CSAD: variants seen among roughly 807,000 people sequenced by gnomAD.
CSAD encodes the protein P-selectin cytoplasmic tail-associated protein.
Under a neutral mutation model 61.5 loss-of-function variants are expected in CSAD, and 47 were observed. The ratio of observed to expected loss-of-function variants is 0.76; its 90% confidence interval spans 0.60 to 0.97. The LOEUF is 0.97. CSAD is among the 50% of genes least tolerant of loss of function. The pLI, the probability that CSAD is intolerant of heterozygous loss-of-function variation, is 0.00. For synonymous variants in CSAD, 245 were observed against 252.7 expected (o/e 0.97, Z 0.29); for missense variants, 611 against 643.6 (o/e 0.95, Z 0.55).
At chr12:53,178,374 C>T in intron 2 of CSAD, 1 of 456,078 alleles carries the variant, frequency 2.2e-6, no homozygotes, top group Non-Finnish European at 4.4e-6. Flanking sequence ...CATCTGTAGT[C>T]CCAACTACTT....
chr12:53,158,292 T>C lies in CSAD; in HGVS notation c.*219A>G. ...CTGGGTTTACAGGCACAGGCCACCA[T>C]GCTCGGCTAATTTTTGTATTTTTAG... On this transcript the variant is annotated 3_prime_UTR_variant, in exon 17 of 17. Transcript: ENST00000444623. 2.6e-6 allele frequency: 1 copy of C among 383,220 alleles called. No individual in the cohort carries two copies. The highest frequency in any genetic ancestry group is 4.8e-6 in the Non-Finnish European group (1 of 208,778). The allele number at this position is 383,220 out of a possible 1,614,324, so 23.7% of individuals were successfully genotyped here. A position where few individuals can be genotyped will look rare whatever the true frequency, so the allele number is the denominator to read the frequency against.
intron 9 of CSAD, 112 bp downstream of exon 9, chr12:53,170,311 C>T (rs971097751): frequency 8.6e-6 from 9 of 1,043,654 alleles, no homozygotes; most frequent in Middle Eastern, 2.0e-4. Flanking sequence ...TACTGAATAG[C>T]GAGGGGAGAG....
chr12:53,171,209 G>C (rs762005136), intron 8 of CSAD, 117 bp downstream of exon 8: 1 of 1,490,884 alleles, frequency 6.7e-7, no homozygotes, highest in African/African-American at 1.4e-5. Context: ...ATCCGCCTGG[G>C]GGCAGGCTGG....
chr12:53,163,559 A>C (rs962849071), intron 10 of CSAD, among the ~76,000 whole-genome samples: 7 of 152,214 alleles, frequency 4.6e-5, no homozygotes, highest in Non-Finnish European at 7.3e-5. Context: ...TTAAGAAAAC[A>C]ATTTCATTTA....
In CSAD at chr12:53,160,103, C is replaced by G. The variant is rs1209277623; in HGVS notation, c.1166+17G>C. The G allele has an allele frequency of 1.9e-6, 3 of 1,611,944 alleles. No homozygotes were observed. The highest frequency in any genetic ancestry group is 2.5e-6 in the Non-Finnish European group (3 of 1,179,810). ...GGAGAGGGGAACAGGGACGACCCCC[C>G]ACCTCCTCCCGCCTACCGGGCAAGG... On this transcript the variant is annotated intron_variant, in intron 14 of 16. Coordinates refer to ENST00000444623, the MANE Select transcript of CSAD (RefSeq NM_001244705.2).
chr12:53,169,834 G>A (rs1273292917), intron 10 of CSAD, among the ~76,000 whole-genome samples: 1 of 152,036 alleles, frequency 6.6e-6, no homozygotes, highest in Non-Finnish European at 1.5e-5. Context: ...GGTGCTGCCT[G>A]GGACTCGCTC....
intron 1 of CSAD, chr12:53,179,824 G>A: frequency 6.2e-7 from 1 of 1,613,568 alleles, no homozygotes; most frequent in Non-Finnish European, 8.5e-7. Flanking sequence ...TCCATCAAGC[G>A]CATTTGCAGT....
Position 53,159,621 on chromosome 12 carries a change from A to C in CSAD, c.1308+2T>G. ...GTAAAGAGAGCAGCACAGCACGCCT[A>C]CCTTTGACAGCCTTTCGTGGTAATC... On this transcript the variant is annotated splice_donor_variant, in intron 16 of 16. Transcript: ENST00000444623. LOFTEE classifies it high-confidence loss of function. The C allele has an allele frequency of 6.2e-7, 1 of 1,609,072 alleles. No homozygotes were observed. Among genetic ancestry groups the C allele is most frequent in the Non-Finnish European group, 8.5e-7 (1 of 1,177,668 alleles).
At chr12:53,170,195 A>G (rs770131666) in intron 9 of CSAD, 69 bp from the exon 10 acceptor site, 11 of 1,394,642 alleles carry the variant, frequency 7.9e-6, no homozygotes, top group African/African-American at 1.4e-5. Context: ...AGGTGGGGTT[A>G]GCAATGCAGA....
At position 53,171,878 on chromosome 12, in the gene CSAD, A is replaced by G; in HGVS notation, c.451+4T>C. On this transcript the variant is annotated splice_donor_region_variant and intron_variant, in intron 7 of 16. Coordinates refer to ENST00000444623, the MANE Select transcript of CSAD (RefSeq NM_001244705.2). ...AAAGAAAGGTCCTCCTCCTTCTCACAAACCAGGGCAGAAGATTCCGTCCCC... is the reference window on the plus strand; with the variant it reads ...AAAGAAAGGTCCTCCTCCTTCTCACGAACCAGGGCAGAAGATTCCGTCCCC... 1.2e-6 allele frequency: 2 copies of G among 1,604,744 alleles called. No homozygotes were observed. Among genetic ancestry groups the G allele is most frequent in the Non-Finnish European group, 1.7e-6 (2 of 1,171,902 alleles).
upstream of CSAD, chr12:53,181,091 C>A (rs1941598480): frequency 2.2e-6 from 2 of 903,558 alleles, no homozygotes; most frequent in Admixed American, 1.2e-4. Context: ...GCATCTCGCG[C>A]GCTTCTCGGC....
intron 1 of CSAD, chr12:53,179,565 T>C (rs1941393844): frequency 3.9e-6 from 2 of 519,030 alleles, no homozygotes; most frequent in South Asian, 5.6e-5. Flanking sequence ...TCTTTATCTC[T>C]CTCTTTCTCC....
In CSAD at chr12:53,172,583, G is replaced by A. The variant is rs143124950; in HGVS notation, c.192C>T (p.Gly64=). Residue 64 remains glycine (G), a synonymous_variant, in exon 5 of 17, where the codon GGC becomes GGT. Coordinates refer to ENST00000444623, the MANE Select transcript of CSAD (RefSeq NM_001244705.2). ...GCTCCAGGATCTGCTTCTGTGACTC[G>A]CCCTGGCTCCGCAGCTCCAAATCCA... ...QLLDLELRSQ[G]ESQKQILERC... The A allele has an allele frequency of 7.4e-6, 12 of 1,612,200 alleles. No homozygotes were observed. The African/African-American group carries it at 9.4e-5, about 13-fold the overall frequency.
At position 53,179,659 on chromosome 12, in the gene CSAD, A is replaced by C. The variant is rs1592372268; in HGVS notation, c.-90-517T>G. On this transcript the variant is annotated intron_variant, in intron 1 of 16. Coordinates refer to ENST00000444623, the MANE Select transcript of CSAD (RefSeq NM_001244705.2). ...AATCATGGAGTGGCTCAGGGAAATG[A>C]AATCTGTCTACAAAAAAAAAAAAGT... is the stretch of plus-strand genomic sequence containing the variant. 1.3e-5 allele frequency: 12 copies of C among 893,432 alleles called. No individual in the cohort carries two copies. The East Asian group carries it at 2.9e-4, about 22-fold the overall frequency. 55.3% of individuals were successfully genotyped at this position (893,432 alleles called of 1,614,324 possible).
chr12:53,173,426 C>T lies in CSAD; in HGVS notation c.45G>A (p.Val15=). 1 of 1,614,240 alleles carries T rather than the reference C, an allele frequency of 6.2e-7. No homozygotes were observed. The highest frequency in any genetic ancestry group is 8.5e-7 in the Non-Finnish European group (1 of 1,180,032). ...CGGCCCGGAGCAAGGCTTCCACAGC[C>T]ACTGGGTCCCCAGCAAGGGAGGGGA... ...EALPSLAGDP[V]AVEALLRAVF... is the part of the protein sequence containing the mutation. The change falls in exon 4 of 17, where the codon GTG becomes GTA. Residue 15 remains valine (V), a synonymous_variant. Coordinates refer to ENST00000444623, the MANE Select transcript of CSAD (RefSeq NM_001244705.2).
chr12:53,173,680 C>T (rs780994750), intron 3 of CSAD, 48 bp downstream of exon 3: 146 of 1,468,180 alleles, frequency 9.9e-5, no homozygotes, highest in Non-Finnish European at 1.4e-4. Flanking sequence ...CAGTGCTGAG[C>T]AAGTGGACTC....
At chr12:53,160,675 G>T in intron 13 of CSAD, 88 bp downstream of exon 13, 1 of 1,157,886 alleles carries the variant, frequency 8.6e-7, no homozygotes, top group Non-Finnish European at 1.3e-6. Flanking sequence ...AGAGAATAGA[G>T]AAAGGCCTGA....
intron 2 of CSAD, chr12:53,178,385 G>T (rs774594594): frequency 6.6e-6 from 3 of 455,930 alleles, no homozygotes; most frequent in Admixed American, 2.4e-5. Flanking sequence ...CCAACTACTT[G>T]GGAGGCTAAG....
intron 10 of CSAD, among the ~76,000 whole-genome samples, chr12:53,165,662 C>CAAAAA (rs540475159): frequency 2.1e-5 from 1 of 46,956 alleles, no homozygotes. Context: ...GACTCCATCT[C>CAAAAA]AAAAAAAAAA....
Sources: gnomAD v4.1 joint callset for allele counts (sites outside exome capture counted in the v4.1 genomes callset) on GRCh38, gnomAD v4.1.1 for gene constraint, MANE v1.5 for transcripts, NCBI Gene and HGNC (gene_info 2026-07-23, HGNC 2026-07-21) for gene names.